Variants in IQGAP2 observed in about 807,000 individuals in gnomAD.
IQGAP2 encodes ras GTPase-activating-like protein IQGAP2.
A neutral mutation model predicts 201.3 loss-of-function variants in IQGAP2; 173 were observed. The observed-to-expected ratio is 0.86, with a 90% confidence interval of 0.76 to 0.98. IQGAP2 has a LOEUF of 0.98. Ranked by LOEUF, IQGAP2 falls within the 50% of genes least tolerant of loss-of-function variation. IQGAP2 has a pLI of 0.00. For synonymous variants in IQGAP2, 675 were observed against 673.9 expected, an observed-to-expected ratio of 1.00 and a Z score of -0.03; for missense variants, 1,687 against 1,864.8, an observed-to-expected ratio of 0.90 and a Z score of 1.76.
chr5:76,426,111 C>A (rs1751980947), intron 1 of IQGAP2, among the ~76,000 whole-genome samples: 1 of 152,290 alleles, frequency 6.6e-6, no homozygotes, highest in South Asian at 2.1e-4. Context: ...GGTCAGCTGG[C>A]ACATCACCAG....
At chr5:76,640,767 A>G (rs1751510044) in intron 16 of IQGAP2, among the ~76,000 whole-genome samples, 166 bp from the exon 17 acceptor site, 1 of 152,256 alleles carries the variant, frequency 6.6e-6, no homozygotes, top group Non-Finnish European at 1.5e-5. Context: ...ATTGCTAGAA[A>G]GAAGTTAAGC....
rs934617218 is a variant in IQGAP2 at position 76,491,894 on chromosome 5, C to T, written c.146+30225C>T. ...TGTACCTTCATCTCCAGAAGTTCTC[C>T]CTGGCATTTGTTCTGCACCTCCCAT... On this transcript the variant is annotated intron_variant, in intron 2 of 35. Transcript: ENST00000274364. Among the ~76,000 whole-genome samples, 5 of 152,106 alleles carry T rather than the reference C, an allele frequency of 3.3e-5. No individual in the cohort carries two copies. In the South Asian group the frequency reaches 6.2e-4, roughly 19 times the overall value.
intron 11 of IQGAP2, among the ~76,000 whole-genome samples, chr5:76,604,450 T>C (rs1260219224): frequency 2.0e-5 from 3 of 152,142 alleles, no homozygotes; most frequent in Non-Finnish European, 4.4e-5. Flanking sequence ...TACAGGTACA[T>C]GTGCCTTTAT....
chr5:76,529,941 G>A (rs369353730), intron 2 of IQGAP2, among the ~76,000 whole-genome samples: 1 of 152,084 alleles, frequency 6.6e-6, no homozygotes, highest in Non-Finnish European at 1.5e-5. Context: ...CTGAGCAACT[G>A]GTAATCACTC....
chr5:76,613,132 T>C (rs1247314582), intron 13 of IQGAP2, among the ~76,000 whole-genome samples: 1 of 152,176 alleles, frequency 6.6e-6, no homozygotes, highest in African/African-American at 2.4e-5. Flanking sequence ...ACCTGTGGAA[T>C]GGGTGCTGTC....
At chr5:76,642,512 G>C (rs894680790) in intron 17 of IQGAP2, among the ~76,000 whole-genome samples, 4 of 152,140 alleles carry the variant, frequency 2.6e-5, no homozygotes, top group Non-Finnish European at 4.4e-5. Flanking sequence ...AGGCCTAAAG[G>C]TAAGCCTACT....
chr5:76,642,712 C>A (rs1363323543), intron 17 of IQGAP2, among the ~76,000 whole-genome samples: 5 of 152,184 alleles, frequency 3.3e-5, no homozygotes, highest in Non-Finnish European at 7.3e-5. Context: ...AGCTTCCTAG[C>A]TGGCTGAACT....
chr5:76,493,691 C>T (rs1756706338), intron 2 of IQGAP2, among the ~76,000 whole-genome samples: 1 of 152,058 alleles, frequency 6.6e-6, no homozygotes, highest in African/African-American at 2.4e-5. Context: ...CAGGAATCAG[C>T]TTCTGTTTTG....
intron 23 of IQGAP2, among the ~76,000 whole-genome samples, chr5:76,670,969 A>T (rs1744255097): frequency 6.6e-6 from 1 of 152,206 alleles, no homozygotes; most frequent in Non-Finnish European, 1.5e-5. Flanking sequence ...TCTAAGAAAC[A>T]TACACGTTAT....
chr5:76,542,421 C>T (rs1742838462), intron 2 of IQGAP2, among the ~76,000 whole-genome samples: 1 of 152,254 alleles, frequency 6.6e-6, no homozygotes, highest in Non-Finnish European at 1.5e-5. Context: ...CCCCACCCAG[C>T]CAGCTTCGTT....
rs375987508 is a variant in IQGAP2, at chr5:76,668,845, G to A, written c.2843+1G>A. The A allele has an allele frequency of 1.3e-6, 2 of 1,570,752 alleles. No homozygotes were observed. The highest frequency in any genetic ancestry group is 2.2e-4 in the Middle Eastern group (1 of 4,606). On this transcript the variant is annotated splice_donor_variant, in intron 23 of 35. Transcript: ENST00000274364. LOFTEE classifies it high-confidence loss of function. ...AAACTGCTCTGGAGGAAGAAATAAAGTATGTATACAAATATGTATGTAAAA... is the reference window on the plus strand; with the variant it reads ...AAACTGCTCTGGAGGAAGAAATAAAATATGTATACAAATATGTATGTAAAA...
chr5:76,472,276 GAGGTGGT>G (rs1755155770), intron 2 of IQGAP2, among the ~76,000 whole-genome samples: 1 of 152,226 alleles, frequency 6.6e-6, no homozygotes, highest in Non-Finnish European at 1.5e-5. Context: ...CAGAGTTGGA[GAGGTGGT>G]CTTAACAGGG....
At chr5:76,449,212 A>G (rs887575107) in intron 1 of IQGAP2, among the ~76,000 whole-genome samples, 2 of 152,148 alleles carry the variant, frequency 1.3e-5, no homozygotes, top group Non-Finnish European at 2.9e-5. Flanking sequence ...TCTTGTCTTC[A>G]CTTCTCCAGA....
intron 17 of IQGAP2, among the ~76,000 whole-genome samples, chr5:76,642,417 T>C (rs1387801799): frequency 6.6e-6 from 1 of 152,170 alleles, no homozygotes; most frequent in Non-Finnish European, 1.5e-5. Context: ...GGCAAAAGAA[T>C]TGACGAAGCA....
At chr5:76,693,624 G>A (rs1027047656) in intron 31 of IQGAP2, among the ~76,000 whole-genome samples, 182 bp downstream of exon 31, 1 of 152,094 alleles carries the variant, frequency 6.6e-6, no homozygotes, top group African/African-American at 2.4e-5. Context: ...AGTATCAATG[G>A]GAATGAAATA....
In IQGAP2 at chr5:76,403,385, G is replaced by A; in HGVS notation, c.-161G>A. 1 of 466,538 alleles carries A rather than the reference G, an allele frequency of 2.1e-6. No individual in the cohort carries two copies. The highest frequency in any genetic ancestry group is 5.9e-4 in the Middle Eastern group (1 of 1,688). 28.9% of individuals were successfully genotyped at this position (466,538 alleles called of 1,614,324 possible). A position where few individuals can be genotyped will look rare whatever the true frequency, so the allele number is the denominator to read the frequency against. ...CGCGGCGGCCGTGGCTGGCTCTGGC[G>A]AGAGAGCACCGAGGGAGTGGGTCGC... On this transcript the variant is annotated 5_prime_UTR_variant, in exon 1 of 36. Coordinates refer to ENST00000274364, the MANE Select transcript of IQGAP2 (RefSeq NM_006633.5). The surrounding 1 kb of genome is among the most constrained non-coding windows in gnomAD (Gnocchi z 4.8).
chr5:76,689,729 A>T (rs1746103925), intron 30 of IQGAP2, among the ~76,000 whole-genome samples: 1 of 152,232 alleles, frequency 6.6e-6, no homozygotes, highest in Non-Finnish European at 1.5e-5. Context: ...TAAATGGCTA[A>T]GGTGATATTT....
At chr5:76,590,611 A>G in intron 8 of IQGAP2, 25 bp downstream of exon 8, 3 of 1,565,164 alleles carry the variant, frequency 1.9e-6, no homozygotes, top group Non-Finnish European at 2.6e-6. Context: ...AGTAATAAAA[A>G]CAGTAATGAA....
intron 2 of IQGAP2, among the ~76,000 whole-genome samples, chr5:76,549,489 A>T (rs1027278612): frequency 6.6e-6 from 1 of 151,908 alleles, no homozygotes. Context: ...GTGAAGAGAA[A>T]ATTGGGTGAG....
Sources: allele counts gnomAD v4.1 joint callset (sites outside exome capture counted in the v4.1 genomes callset), GRCh38; gene constraint gnomAD v4.1.1; non-coding constraint Gnocchi (gnomAD v3.1); transcripts MANE v1.5; gene names NCBI Gene and HGNC (gene_info 2026-07-23, HGNC 2026-07-21).